The following DIS3L2 variants were observed in gnomAD, a reference collection of about 807,000 sequenced individuals.
The protein encoded by DIS3L2 is DIS3-like exonuclease 2.
A neutral mutation model predicts 97.5 loss-of-function variants in DIS3L2; 34 were observed. That is an observed-to-expected ratio of 0.35 (90% confidence interval 0.27 to 0.46). The LOEUF (loss-of-function observed/expected upper bound fraction) is 0.46, where lower values mean the gene tolerates loss of function less well. Ranked by LOEUF, DIS3L2 falls within the 20% of genes least tolerant of loss-of-function variation. The pLI, the probability that DIS3L2 is intolerant of heterozygous loss-of-function variation, is 1.00. For missense variants in DIS3L2, 1,038 were observed against 1,146.0 expected (o/e 0.91, Z 1.36); for synonymous variants, 435 against 445.2 (o/e 0.98, Z 0.29).
At position 232,332,494 on chromosome 2, in the gene DIS3L2, C is replaced by T. The variant is rs1206096493; in HGVS notation, c.2011-1346C>T. Among the ~76,000 whole-genome samples the T allele has an allele frequency of 5.9e-5, 9 of 151,602 alleles. No individual in the cohort carries two copies. The South Asian group carries it at 1.2e-3, about 21-fold the overall frequency. On this transcript the variant is annotated intron_variant, in intron 16 of 20. Coordinates refer to ENST00000325385, the MANE Select transcript of DIS3L2 (RefSeq NM_152383.5). ...TGACCTTGGACCTCTGCGAGGAACC[C>T]GTTCACTCGCTCCCAGGCAGTAGCA...
chr2:232,254,701 G>A (rs1349162255), intron 12 of DIS3L2, among the ~76,000 whole-genome samples: 4 of 152,158 alleles, frequency 2.6e-5, no homozygotes, highest in Non-Finnish European at 5.9e-5. Flanking sequence ...CATAAAAGAA[G>A]CACTAGAAAG....
chr2:232,319,514 G>T (rs925332258), intron 14 of DIS3L2, among the ~76,000 whole-genome samples: 1 of 152,244 alleles, frequency 6.6e-6, no homozygotes, highest in Non-Finnish European at 1.5e-5. Context: ...CCCTCCTGGG[G>T]TGTTGGGCAA....
At chr2:231,970,729 G>A (rs1692880494) in intron 1 of DIS3L2, among the ~76,000 whole-genome samples, 1 of 152,084 alleles carries the variant, frequency 6.6e-6, no homozygotes, top group Non-Finnish European at 1.5e-5. Context: ...GTACACTTAA[G>A]CTATACTGAA....
Position 232,037,741 on chromosome 2 carries a change from A to G in DIS3L2, c.366+7661A>G, listed in dbSNP as rs183550629. 4.5e-3 allele frequency among the ~76,000 whole-genome samples: 683 copies of G among 152,224 alleles called. 3 individuals are homozygous for G. Among genetic ancestry groups the G allele is most frequent in the African/African-American group, 0.015 (620 of 41,546 alleles). On this transcript the variant is annotated intron_variant, in intron 5 of 20. Coordinates refer to ENST00000325385, the MANE Select transcript of DIS3L2 (RefSeq NM_152383.5). The surrounding 1 kb of genome is among the most constrained non-coding windows in gnomAD (Gnocchi z 4.6). ...AGCATAATATCTGGGCCAGAGTGCA[A>G]TGTTCCTCACAGCACAGTCCCTCAT...
At chr2:232,219,440 G>A (rs1023634897) in intron 10 of DIS3L2, among the ~76,000 whole-genome samples, 1 of 152,060 alleles carries the variant, frequency 6.6e-6, no homozygotes, top group Non-Finnish European at 1.5e-5. Context: ...TTATTTCCAT[G>A]TACTTCTGTC....
At chr2:232,034,796 C>T (rs1040977986) in intron 5 of DIS3L2, among the ~76,000 whole-genome samples, 4 of 152,162 alleles carry the variant, frequency 2.6e-5, no homozygotes, top group African/African-American at 9.7e-5. Flanking sequence ...TTTATTAATC[C>T]TGAATTCTAA....
At chr2:232,088,418 C>T (rs910700538) in intron 6 of DIS3L2, among the ~76,000 whole-genome samples, 11 of 148,940 alleles carry the variant, frequency 7.4e-5, no homozygotes, top group South Asian at 2.1e-4. Context: ...AAAAAATAGC[C>T]GGGAGTTGTG....
intron 5 of DIS3L2, among the ~76,000 whole-genome samples, chr2:232,032,228 T>C (rs775415964): frequency 3.0e-4 from 45 of 152,262 alleles, no homozygotes; most frequent in Non-Finnish European, 5.3e-4. Context: ...AATATCTCAT[T>C]GTGGTTTTGA....
At chr2:232,188,946 A>G (rs1691529988) in intron 9 of DIS3L2, among the ~76,000 whole-genome samples, 1 of 152,248 alleles carries the variant, frequency 6.6e-6, no homozygotes. Flanking sequence ...ATACAAATGG[A>G]AAACAAGCAA....
chr2:232,195,175 T>C (rs985378200), intron 9 of DIS3L2, among the ~76,000 whole-genome samples: 1 of 152,134 alleles, frequency 6.6e-6, no homozygotes, highest in African/African-American at 2.4e-5. Context: ...CTGTTAAAAA[T>C]TACAAAGTCA....
Position 232,081,539 on chromosome 2 carries a change from A to G in DIS3L2, c.367-5948A>G, listed in dbSNP as rs75532450. 2.0e-3 allele frequency among the ~76,000 whole-genome samples: 307 copies of G among 152,150 alleles called. 1 individual carries two copies. In the East Asian group the frequency reaches 0.03, roughly 15 times the overall value. ...AGCTGAAACACTTGTATAAAGAAAAACTTTACCTCATCAATTACTTGGTTA... is the reference window on the plus strand; with the variant it reads ...AGCTGAAACACTTGTATAAAGAAAAGCTTTACCTCATCAATTACTTGGTTA... On this transcript the variant is annotated intron_variant, in intron 5 of 20. Transcript: ENST00000325385.
At chr2:232,108,207 G>A (rs1490804461) in intron 6 of DIS3L2, among the ~76,000 whole-genome samples, 1 of 152,150 alleles carries the variant, frequency 6.6e-6, no homozygotes, top group East Asian at 1.9e-4. Context: ...TGGGATGCAA[G>A]GCTGGTTCAA....
chr2:232,333,842 G>T lies in DIS3L2; in HGVS notation c.2013G>T (p.Met671Ile), dbSNP rs528954242. 2.5e-6 allele frequency: 4 copies of T among 1,610,304 alleles called. No individual in the cohort carries two copies. Among genetic ancestry groups the T allele is most frequent in the Non-Finnish European group, 2.5e-6 (3 of 1,178,672 alleles). The change falls in exon 17 of 21, where the codon ATG becomes ATT. Residue 671 changes from methionine (M) to isoleucine (I), a missense_variant and splice_region_variant. Transcript: ENST00000325385. ...CTCTGACCCATCCCGTCCCGCAGATGGCACTGTACTTCTGCTCGGGGCTGC... is the reference window on the plus strand; with the variant it reads ...CTCTGACCCATCCCGTCCCGCAGATTGCACTGTACTTCTGCTCGGGGCTGC... Reference protein sequence around the residue: ...LTNMCSRPMQMALYFCSGLLQ... With the variant: ...LTNMCSRPMQIALYFCSGLLQ...
chr2:232,012,159 G>C (rs1399336204), intron 1 of DIS3L2, among the ~76,000 whole-genome samples: 2 of 152,110 alleles, frequency 1.3e-5, no homozygotes, highest in Non-Finnish European at 2.9e-5. Context: ...GCTCTGCTTA[G>C]TGTTCTCATT....
intron 14 of DIS3L2, among the ~76,000 whole-genome samples, chr2:232,322,335 A>G (rs1253961181): frequency 6.6e-6 from 1 of 152,100 alleles, no homozygotes; most frequent in African/African-American, 2.4e-5. Flanking sequence ...GACTTCTGAG[A>G]CTCAGATGGA....
At chr2:232,261,290 C>T (rs955768102) in intron 12 of DIS3L2, among the ~76,000 whole-genome samples, 3 of 152,158 alleles carry the variant, frequency 2.0e-5, no homozygotes, top group African/African-American at 7.2e-5. Context: ...CCCTTTTGTT[C>T]TCTTGTGTCT....
intron 5 of DIS3L2, among the ~76,000 whole-genome samples, chr2:232,047,607 A>T (rs898654594): frequency 1.3e-5 from 2 of 152,226 alleles, no homozygotes; most frequent in African/African-American, 2.4e-5. Context: ...AATTTAAAGT[A>T]TACAGTTCTG....
intron 6 of DIS3L2, among the ~76,000 whole-genome samples, chr2:232,124,337 G>A (rs7571914): frequency 0.011 from 1,599 of 152,208 alleles, 29 homozygotes; most frequent in African/African-American, 0.036. Flanking sequence ...TTATGACATA[G>A]CAAATTGGAA....
chr2:232,289,751 T>A (rs1173723673), intron 13 of DIS3L2, among the ~76,000 whole-genome samples: 1 of 152,178 alleles, frequency 6.6e-6, no homozygotes, highest in Non-Finnish European at 1.5e-5. Flanking sequence ...TCTGAGTGGG[T>A]GGAGAGCCTG....
Sources: gnomAD v4.1 joint callset for allele counts (sites outside exome capture counted in the v4.1 genomes callset) on GRCh38, gnomAD v4.1.1 for gene constraint, Gnocchi (gnomAD v3.1) non-coding constraint, MANE v1.5 for transcripts, NCBI Gene and HGNC (gene_info 2026-07-23, HGNC 2026-07-21) for gene names.